Variants in JAZF1 observed in about 807,000 individuals in gnomAD.
The protein encoded by JAZF1 is JAZF zinc finger 1, also known as juxtaposed with another zinc finger protein 1.
JAZF1 carries 8 observed loss-of-function variants against 26.4 expected under a neutral mutation model. That is an observed-to-expected ratio of 0.30 (90% confidence interval 0.18 to 0.55). The LOEUF (loss-of-function observed/expected upper bound fraction) is 0.55. Among genes scored for constraint, JAZF1 ranks in the 20% least tolerant of loss-of-function variants. The pLI, the probability that JAZF1 is intolerant of heterozygous loss-of-function variation, is 0.94. For missense variants in JAZF1, 199 were observed against 322.0 expected (o/e 0.62, Z 2.92); for synonymous variants, 126 against 122.3 (o/e 1.03, Z -0.20).
At chr7:27,859,604 C>A (rs1349896073) in intron 3 of JAZF1, among the ~76,000 whole-genome samples, 2 of 151,936 alleles carry the variant, frequency 1.3e-5, no homozygotes, top group Non-Finnish European at 2.9e-5. Context: ...TCATTCTCAG[C>A]AAACTAACAC....
intron 1 of JAZF1, among the ~76,000 whole-genome samples, chr7:27,994,484 A>C (rs937623727): frequency 7.2e-5 from 11 of 152,122 alleles, no homozygotes; most frequent in South Asian, 6.2e-4. Flanking sequence ...CACACACACA[A>C]AAAACCATTT....
At chr7:27,950,662 A>T (rs1057094099) in intron 2 of JAZF1, among the ~76,000 whole-genome samples, 1 of 152,142 alleles carries the variant, frequency 6.6e-6, no homozygotes, top group African/African-American at 2.4e-5. Context: ...TTTGAACCAA[A>T]CTTGGTTAAC....
chr7:27,940,154 C>T (rs1423041812), intron 2 of JAZF1, among the ~76,000 whole-genome samples: 1 of 152,192 alleles, frequency 6.6e-6, no homozygotes, highest in Non-Finnish European at 1.5e-5. Flanking sequence ...TGAGCATGCC[C>T]CCGGTACCAT....
chr7:28,107,445 G>A (rs1784570183), intron 1 of JAZF1, among the ~76,000 whole-genome samples: 1 of 152,168 alleles, frequency 6.6e-6, no homozygotes, highest in Non-Finnish European at 1.5e-5. Context: ...TACTCACTGT[G>A]CTTCTCCCTC....
At chr7:27,897,081 CTT>C (rs34234809) in intron 2 of JAZF1, among the ~76,000 whole-genome samples, 1 of 150,212 alleles carries the variant, frequency 6.7e-6, no homozygotes, top group Non-Finnish European at 1.5e-5. Context: ...AGAACTAGTG[CTT>C]TTTTTTTTAT....
chr7:28,054,518 T>G (rs1433761231), intron 1 of JAZF1, among the ~76,000 whole-genome samples: 1 of 152,072 alleles, frequency 6.6e-6, no homozygotes, highest in Non-Finnish European at 1.5e-5. Context: ...GTCATGCCCC[T>G]AGACCCAGTG....
At chr7:27,843,351 C>A (rs1039503839) in intron 3 of JAZF1, 2 of 152,246 alleles carry the variant, frequency 1.3e-5, no homozygotes, top group African/African-American at 4.8e-5. Context: ...CTTTTATTTT[C>A]TCTTTCATGA....
intron 2 of JAZF1, among the ~76,000 whole-genome samples, chr7:27,946,314 C>T (rs531804725): frequency 1.1e-4 from 17 of 152,162 alleles, no homozygotes; most frequent in Admixed American, 2.0e-4. Flanking sequence ...GGTTACCACA[C>T]ACACCAAATA....
At chr7:28,145,235 A>C (rs1783009910) in intron 1 of JAZF1, among the ~76,000 whole-genome samples, 1 of 152,266 alleles carries the variant, frequency 6.6e-6, no homozygotes, top group Non-Finnish European at 1.5e-5. Flanking sequence ...AAAGGTAACT[A>C]AAATGTCCAG....
At chr7:28,089,392 G>A (rs141406601) in intron 1 of JAZF1, among the ~76,000 whole-genome samples, 6 of 152,312 alleles carry the variant, frequency 3.9e-5, no homozygotes, top group African/African-American at 9.6e-5. Context: ...ACTTCCCAGC[G>A]TTTAGAACCA....
chr7:28,016,179 G>GT (rs1476871033), intron 1 of JAZF1, among the ~76,000 whole-genome samples: 1 of 152,186 alleles, frequency 6.6e-6, no homozygotes, highest in East Asian at 1.9e-4. Flanking sequence ...TTGGTCAGAG[G>GT]TAAAACCCAT....
At position 27,832,783 on chromosome 7, in the gene JAZF1, C is replaced by T; in HGVS notation, c.*17G>A. ...AACTGCTGGTGAGGATTTCTTGGCA[C>T]AGTTATGACCAGCATGTTATTGCTG... On this transcript the variant is annotated 3_prime_UTR_variant, in exon 5 of 5. Coordinates refer to ENST00000283928, the MANE Select transcript of JAZF1 (RefSeq NM_175061.4). 3 of 1,458,244 alleles carry T rather than the reference C, an allele frequency of 2.1e-6. No homozygotes were observed. The highest frequency in any genetic ancestry group is 2.7e-6 in the Non-Finnish European group (3 of 1,094,576). The allele number at this position is 1,458,244 out of a possible 1,614,324, so 90.3% of individuals were successfully genotyped here.
intron 1 of JAZF1, among the ~76,000 whole-genome samples, chr7:28,150,388 A>G (rs1394011492): frequency 2.6e-5 from 4 of 152,244 alleles, no homozygotes; most frequent in Admixed American, 1.3e-4. Context: ...TGCCCATGGA[A>G]GAGTCCAGAA....
At chr7:27,909,892 GAAGA>G (rs1259674366) in intron 2 of JAZF1, among the ~76,000 whole-genome samples, 2 of 152,100 alleles carry the variant, frequency 1.3e-5, no homozygotes, top group East Asian at 1.9e-4. Flanking sequence ...TTTAAAAATG[GAAGA>G]AAGGAAAGAC....
chr7:27,866,195 G>C (rs1021386702), intron 3 of JAZF1, among the ~76,000 whole-genome samples: 3 of 152,190 alleles, frequency 2.0e-5, no homozygotes, highest in Non-Finnish European at 2.9e-5. Flanking sequence ...TTTGTACTTA[G>C]TAATTTTGCT....
intron 4 of JAZF1, among the ~76,000 whole-genome samples, chr7:27,835,603 C>T (rs1782791302): frequency 6.6e-6 from 1 of 152,184 alleles, no homozygotes; most frequent in Non-Finnish European, 1.5e-5. Context: ...TTTGTCTTTG[C>T]TGCTGTGATT....
intron 2 of JAZF1, among the ~76,000 whole-genome samples, chr7:27,904,009 A>G (rs1452175281): frequency 6.6e-6 from 1 of 152,190 alleles, no homozygotes; most frequent in Non-Finnish European, 1.5e-5. Flanking sequence ...CTGGTAATTC[A>G]TTGCTCCAGA....
At chr7:27,920,753 C>A (rs1390026006) in intron 2 of JAZF1, among the ~76,000 whole-genome samples, 3 of 152,102 alleles carry the variant, frequency 2.0e-5, no homozygotes, top group African/African-American at 7.2e-5. Context: ...AGTAAGATAT[C>A]ACCTGCTAAG....
At chr7:27,925,629 G>T (rs960561136) in intron 2 of JAZF1, among the ~76,000 whole-genome samples, 2 of 152,038 alleles carry the variant, frequency 1.3e-5, no homozygotes, top group African/African-American at 4.8e-5. Flanking sequence ...CTCTTGCTAT[G>T]TTGCCCAGCC....
Sources: allele counts gnomAD v4.1 joint callset (sites outside exome capture counted in the v4.1 genomes callset), GRCh38; gene constraint gnomAD v4.1.1; transcripts MANE v1.5; gene names NCBI Gene and HGNC (gene_info 2026-07-23, HGNC 2026-07-21).